Variants in CFAP221 observed in about 807,000 individuals in gnomAD.
CFAP221 encodes cilia and flagella associated protein 221, also known as cilia- and flagella-associated protein 221.
Under a neutral mutation model 113.1 loss-of-function variants are expected in CFAP221, and 97 were observed. The observed-to-expected ratio is 0.86, with a 90% CI of 0.73 to 1.02. CFAP221 has a LOEUF of 1.02. CFAP221 is among the 50% of genes least tolerant of loss of function. The pLI is 0.00. For synonymous variants in CFAP221, 331 were observed against 354.4 expected, an observed-to-expected ratio of 0.93 and a Z score of 0.74; for missense variants, 1,025 against 1,013.4, an observed-to-expected ratio of 1.01 and a Z score of -0.16.
chr2:119,559,007 C>T (rs542147596), intron 3 of CFAP221, among the ~76,000 whole-genome samples: 1 of 152,332 alleles, frequency 6.6e-6, no homozygotes, highest in Admixed American at 6.5e-5. Flanking sequence ...AACCAAAGGT[C>T]TCTTAACCTT....
chr2:119,639,918 T>C, intron 21 of CFAP221, 46 bp downstream of exon 21: 1 of 1,488,878 alleles, frequency 6.7e-7, no homozygotes, highest in Non-Finnish European at 9.4e-7. Flanking sequence ...GTGCCCCATG[T>C]ATTACAGAGG....
At chr2:119,615,105 G>A (rs1433526685) in intron 13 of CFAP221, among the ~76,000 whole-genome samples, 2 of 152,090 alleles carry the variant, frequency 1.3e-5, no homozygotes, top group East Asian at 3.9e-4. Flanking sequence ...AGTGCCTCAG[G>A]CTCTGGCCAG....
At chr2:119,583,298 T>C (rs1467118426) in intron 6 of CFAP221, among the ~76,000 whole-genome samples, 1 of 151,892 alleles carries the variant, frequency 6.6e-6, no homozygotes, top group Non-Finnish European at 1.5e-5. Flanking sequence ...GATGCTCTCT[T>C]CACTTCCATT....
intron 19 of CFAP221, among the ~76,000 whole-genome samples, chr2:119,631,322 G>A (rs973276947): frequency 6.6e-6 from 1 of 152,104 alleles, no homozygotes; most frequent in Non-Finnish European, 1.5e-5. Context: ...ATTAGAAAAA[G>A]GAGGGCAGAT....
rs181595480 is a variant in CFAP221, at chr2:119,616,952, G to A, written c.1410+1243G>A. ...CACACTTGAAGCCAGGGAGAGCAGT[G>A]GATAAAGCCTGGGCTGTGGAGCAGA... On this transcript the variant is annotated intron_variant, in intron 14 of 23. Transcript: ENST00000413369. Among the ~76,000 whole-genome samples the A allele has an allele frequency of 1.9e-3, 283 of 152,352 alleles. 1 individual carries two copies. Among genetic ancestry groups the A allele is most frequent in the African/African-American group, 6.4e-3 (267 of 41,580 alleles).
At chr2:119,553,839 A>C (rs1680593535) in intron 3 of CFAP221, among the ~76,000 whole-genome samples, 1 of 152,194 alleles carries the variant, frequency 6.6e-6, no homozygotes, top group African/African-American at 2.4e-5. Flanking sequence ...CACCTTGTGC[A>C]GTGCCTGACA....
chr2:119,547,602 A>AT (rs2105003386), intron 2 of CFAP221, among the ~76,000 whole-genome samples: 1 of 152,256 alleles, frequency 6.6e-6, no homozygotes, highest in South Asian at 2.1e-4. Flanking sequence ...ATATAAATAA[A>AT]TTTTAAAATT....
chr2:119,614,086 C>A (rs535091407), intron 13 of CFAP221, among the ~76,000 whole-genome samples: 3 of 152,246 alleles, frequency 2.0e-5, no homozygotes, highest in African/African-American at 7.2e-5. Flanking sequence ...TGCCCCCAGT[C>A]TCTTTGCTAA....
chr2:119,647,624 G>T (rs772242636), intron 22 of CFAP221, among the ~76,000 whole-genome samples: 2 of 152,030 alleles, frequency 1.3e-5, no homozygotes, highest in Non-Finnish European at 2.9e-5. Context: ...CAGCTCACAC[G>T]TGTACGTCCA....
At chr2:119,651,493 GAA>G (rs60171203) in intron 22 of CFAP221, among the ~76,000 whole-genome samples, 138,933 of 148,032 alleles carry the variant, frequency 0.94, 65,625 homozygotes, top group South Asian at 0.99. Context: ...CAAAAAGATC[GAA>G]AAAAAAAAAA....
Position 119,546,120 on chromosome 2 carries a change from T to A in CFAP221, c.-12T>A. ...TTGGCTCTAAAAAGAAGACTCCATT[T>A]TTCATGATAAAATGGCAGTGGTGAA... On this transcript the variant is annotated 5_prime_UTR_variant, in exon 2 of 24. Coordinates refer to ENST00000413369, the MANE Select transcript of CFAP221 (RefSeq NM_001271049.2). The A allele has an allele frequency of 6.6e-7, 1 of 1,523,604 alleles. No homozygotes were observed. Among genetic ancestry groups the A allele is most frequent in the Non-Finnish European group, 8.7e-7 (1 of 1,143,814 alleles). The allele number at this position is 1,523,604 out of a possible 1,614,324, so 94.4% of individuals were successfully genotyped here.
intron 14 of CFAP221, among the ~76,000 whole-genome samples, chr2:119,618,116 G>T (rs1229962092): frequency 2.6e-5 from 4 of 152,076 alleles, no homozygotes; most frequent in Admixed American, 6.6e-5. Flanking sequence ...ATTTATCTTG[G>T]TTTTTTCTCT....
intron 14 of CFAP221, among the ~76,000 whole-genome samples, chr2:119,624,958 G>A (rs979188834): frequency 4.6e-5 from 7 of 151,402 alleles, no homozygotes; most frequent in African/African-American, 1.7e-4. Flanking sequence ...ACCATGGCAC[G>A]TTTATACTTA....
intron 7 of CFAP221, among the ~76,000 whole-genome samples, chr2:119,591,922 G>T (rs1163964104): frequency 6.6e-6 from 1 of 152,104 alleles, no homozygotes; most frequent in Non-Finnish European, 1.5e-5. Flanking sequence ...AGCCACTCCA[G>T]GTGTAAAGTA....
intron 16 of CFAP221, among the ~76,000 whole-genome samples, chr2:119,628,294 G>GTGT (rs371675389): frequency 0.1 from 14,119 of 137,428 alleles, 1,037 homozygotes; most frequent in South Asian, 0.16. Flanking sequence ...CTCTCTGGGG[G>GTGT]GTGTGTGTGT....
intron 19 of CFAP221, among the ~76,000 whole-genome samples, chr2:119,635,868 A>C (rs529833775): frequency 6.6e-6 from 1 of 152,330 alleles, no homozygotes; most frequent in South Asian, 2.1e-4. Flanking sequence ...GGTAGGCTCC[A>C]AGCACTAACA....
intron 8 of CFAP221, 66 bp downstream of exon 8, chr2:119,601,443 C>A: frequency 7.5e-7 from 1 of 1,340,714 alleles, no homozygotes; most frequent in Non-Finnish European, 9.9e-7. Flanking sequence ...GTCTTCCTTT[C>A]TTCCATTCTG....
At chr2:119,650,845 T>C (rs1263174761) in intron 22 of CFAP221, among the ~76,000 whole-genome samples, 4 of 152,232 alleles carry the variant, frequency 2.6e-5, no homozygotes, top group African/African-American at 9.6e-5. Flanking sequence ...AAGGGTATTT[T>C]TCTTAATAGA....
chr2:119,646,356 T>C (rs1413182372), intron 21 of CFAP221, among the ~76,000 whole-genome samples: 2 of 152,198 alleles, frequency 1.3e-5, no homozygotes, highest in Admixed American at 6.5e-5. Context: ...TCTGCTTGGC[T>C]TCTGCGGAGG....
Sources: allele counts gnomAD v4.1 joint callset (sites outside exome capture counted in the v4.1 genomes callset), GRCh38; gene constraint gnomAD v4.1.1; transcripts MANE v1.5; gene names NCBI Gene and HGNC (gene_info 2026-07-23, HGNC 2026-07-21).